Variants in LYPLAL1 observed in about 807,000 individuals in gnomAD.
LYPLAL1 encodes lysophospholipase like 1, also known as lysophospholipase-like protein 1.
A neutral mutation model predicts 19.7 loss-of-function variants in LYPLAL1; 23 were observed. That is an observed-to-expected ratio of 1.17 (90% CI 0.84 to 1.65). The LOEUF is 1.65. Among genes scored for constraint, LYPLAL1 ranks in the 40% most tolerant of loss-of-function variants. LYPLAL1 has a pLI of 0.00. For missense variants in LYPLAL1, 355 were observed against 279.4 expected (o/e 1.27, Z -1.93); for synonymous variants, 119 against 96.3 (o/e 1.24, Z -1.38).
At chr1:219,261,906 G>C in the LYPLAL1 span, among the ~76,000 whole-genome samples, 2 of 152,262 alleles carry the variant, frequency 1.3e-5, no homozygotes, top group South Asian at 2.1e-4. Context: ...TGGCAAGGCC[G>C]GGGAATGTTT....
the LYPLAL1 span, among the ~76,000 whole-genome samples, chr1:219,430,287 C>CAA: frequency 0.05 from 3,428 of 69,048 alleles, 256 homozygotes; most frequent in African/African-American, 0.15. Flanking sequence ...GATCCTAGCT[C>CAA]AAAAAAAAAA....
At chr1:219,359,939 C>G in the LYPLAL1 span, among the ~76,000 whole-genome samples, 2 of 152,210 alleles carry the variant, frequency 1.3e-5, no homozygotes, top group Non-Finnish European at 2.9e-5. Flanking sequence ...ATGTGGGTAT[C>G]TACACAGGCA....
chr1:219,213,848 T>C (rs1659191566), downstream of LYPLAL1, among the ~76,000 whole-genome samples: 1 of 152,072 alleles, frequency 6.6e-6, no homozygotes, highest in African/African-American at 2.4e-5. Flanking sequence ...ACTGAAACAG[T>C]GTTATTTCTT....
At chr1:219,365,117 T>G in the LYPLAL1 span, among the ~76,000 whole-genome samples, 9 of 152,090 alleles carry the variant, frequency 5.9e-5, no homozygotes, top group Non-Finnish European at 1.0e-4. Flanking sequence ...GATGAAGATA[T>G]GTACAAAGTG....
chr1:219,258,015 C>T, the LYPLAL1 span, among the ~76,000 whole-genome samples: 12 of 152,126 alleles, frequency 7.9e-5, 2 homozygotes, highest in African/African-American at 2.6e-4. Flanking sequence ...TGATATCTCT[C>T]ATACTTACAT....
the LYPLAL1 span, among the ~76,000 whole-genome samples, chr1:219,361,532 C>T: frequency 7.2e-5 from 11 of 152,156 alleles, no homozygotes; most frequent in African/African-American, 2.6e-4. Context: ...TGTGCTTTAC[C>T]TTGCACTTTT....
chr1:219,256,409 G>A, the LYPLAL1 span, among the ~76,000 whole-genome samples: 1 of 151,136 alleles, frequency 6.6e-6, no homozygotes, highest in South Asian at 2.1e-4. Flanking sequence ...CCTTTTTCCA[G>A]AAGGCTAATT....
the LYPLAL1 span, among the ~76,000 whole-genome samples, chr1:219,334,920 G>T: frequency 4.6e-5 from 7 of 151,862 alleles, no homozygotes; most frequent in Admixed American, 4.6e-4. Flanking sequence ...AGGAGAATTT[G>T]TATATTTTAT....
the LYPLAL1 span, among the ~76,000 whole-genome samples, chr1:219,351,321 T>G: frequency 6.6e-6 from 1 of 152,222 alleles, no homozygotes; most frequent in South Asian, 2.1e-4. Context: ...ATGAGAATAT[T>G]TACTCTGGCC....
At chr1:219,355,530 G>T in the LYPLAL1 span, among the ~76,000 whole-genome samples, 1 of 152,008 alleles carries the variant, frequency 6.6e-6, no homozygotes, top group Non-Finnish European at 1.5e-5. Flanking sequence ...TCAAGACCTG[G>T]CTAACTAGCT....
Position 219,210,566 on chromosome 1 carries a change from T to C in LYPLAL1, c.396T>C (p.His132=). The change falls in exon 4 of 5, where the codon CAT becomes CAC. Residue 132 remains histidine (H), a synonymous_variant. Coordinates refer to ENST00000366928, the MANE Select transcript of LYPLAL1 (RefSeq NM_138794.5). ...CTATGGGAGGATGCATGGCAATACA[T>C]TTAGCATATAGAAATCATCAAGATG... ...GFSMGGCMAI[H]LAYRNHQDVA... 6.2e-7 allele frequency: 1 copy of C among 1,609,582 alleles called. No homozygotes were observed.
At chr1:219,322,437 T>C in the LYPLAL1 span, among the ~76,000 whole-genome samples, 2 of 152,182 alleles carry the variant, frequency 1.3e-5, no homozygotes, top group Admixed American at 1.3e-4. Flanking sequence ...TAGTGAAGCA[T>C]TAAACTCAGG....
the LYPLAL1 span, among the ~76,000 whole-genome samples, chr1:219,409,012 G>A: frequency 4.6e-5 from 7 of 151,930 alleles, no homozygotes; most frequent in Non-Finnish European, 8.8e-5. Flanking sequence ...AGGATGGAGT[G>A]GATTAAATAA....
chr1:219,224,807 AGTCATAGT>A, the LYPLAL1 span, among the ~76,000 whole-genome samples: 1 of 152,156 alleles, frequency 6.6e-6, no homozygotes, highest in Non-Finnish European at 1.5e-5. Flanking sequence ...TAATGTTTAT[AGTCATAGT>A]GTAGAATTAT....
At chr1:219,221,640 C>T in the LYPLAL1 span, among the ~76,000 whole-genome samples, 3 of 152,258 alleles carry the variant, frequency 2.0e-5, no homozygotes, top group South Asian at 6.2e-4. Flanking sequence ...AGGCAAAGCC[C>T]AAAGTCTAAG....
chr1:219,327,694 TC>T, the LYPLAL1 span, among the ~76,000 whole-genome samples: 2 of 152,170 alleles, frequency 1.3e-5, no homozygotes, highest in Admixed American at 1.3e-4. Context: ...CTCCCACAAT[TC>T]CCACATGGGA....
the LYPLAL1 span, among the ~76,000 whole-genome samples, chr1:219,229,877 A>T: frequency 4.6e-5 from 7 of 152,212 alleles, no homozygotes. Context: ...CTAATCATAC[A>T]AACTGAAATG....
downstream of LYPLAL1, among the ~76,000 whole-genome samples, chr1:219,217,236 T>C (rs1227300044): frequency 6.6e-6 from 1 of 152,170 alleles, no homozygotes; most frequent in Non-Finnish European, 1.5e-5. Context: ...GATATCATGC[T>C]TGTGACATGT....
chr1:219,229,637 C>A, the LYPLAL1 span, among the ~76,000 whole-genome samples: 2 of 152,222 alleles, frequency 1.3e-5, no homozygotes, highest in Non-Finnish European at 2.9e-5. Flanking sequence ...ACTAAAAGAG[C>A]ACACTGTAAT....
Sources: allele counts gnomAD v4.1 joint callset (sites outside exome capture counted in the v4.1 genomes callset), GRCh38; gene constraint gnomAD v4.1.1; transcripts MANE v1.5; gene names NCBI Gene and HGNC (gene_info 2026-07-23, HGNC 2026-07-21).